Variants in RIMS2 observed in about 807,000 individuals in gnomAD.
The protein encoded by RIMS2 is regulating synaptic membrane exocytosis 2, also known as regulating synaptic membrane exocytosis protein 2.
Under a neutral mutation model 174.4 loss-of-function variants are expected in RIMS2, and 59 were observed. The ratio of observed to expected loss-of-function variants is 0.34; its 90% confidence interval spans 0.27 to 0.42. The LOEUF (loss-of-function observed/expected upper bound fraction) is 0.42. Ranked by LOEUF, RIMS2 falls within the 10% of genes least tolerant of loss-of-function variation. The pLI is 1.00. For missense variants in RIMS2, 1,620 were observed against 1,666.3 expected (o/e 0.97, Z 0.48); for synonymous variants, 606 against 572.5 (o/e 1.06, Z -0.84).
In RIMS2 at chr8:103,591,072, CTCTCTATGT is replaced by C. The variant is rs149924950; in HGVS notation, c.176+90013_176+90021del. Among the ~76,000 whole-genome samples, 36 of 150,466 alleles carry C rather than the reference CTCTCTATGT, an allele frequency of 2.4e-4. 2 individuals carry two copies. The East Asian group carries it at 7.0e-3, about 29-fold the overall frequency. On this transcript the variant is annotated intron_variant, in intron 1 of 23. Coordinates refer to ENST00000504942, the Ensembl canonical transcript of RIMS2. The stretch of plus-strand genomic sequence containing the variant: ...CAAAAAAGGTATAAGAGTTCTGGCC[CTCTCTATGT>C]TCACTAACATTTTGTGTTCATTTTA...
chr8:103,819,257 T>C, intron 3 of RIMS2: 1 of 1,304,812 alleles, frequency 7.7e-7, no homozygotes, highest in Non-Finnish European at 9.8e-7. Flanking sequence ...CTTACTGCTG[T>C]TTAGAATTCT....
At chr8:104,040,177 A>C (rs1316128107) in intron 19 of RIMS2, among the ~76,000 whole-genome samples, 1 of 151,648 alleles carries the variant, frequency 6.6e-6, no homozygotes, top group Non-Finnish European at 1.5e-5. Flanking sequence ...TAATATGTTG[A>C]TATTGCAAGT....
intron 7 of RIMS2, among the ~76,000 whole-genome samples, chr8:103,916,094 A>C (rs1468583852): frequency 6.6e-6 from 1 of 152,052 alleles, no homozygotes; most frequent in Non-Finnish European, 1.5e-5. Flanking sequence ...TATATTGAGA[A>C]ACCTGGAGTA....
chr8:104,061,454 AAAGT>A (rs1398278993), intron 19 of RIMS2, among the ~76,000 whole-genome samples: 1 of 151,996 alleles, frequency 6.6e-6, no homozygotes, highest in African/African-American at 2.4e-5. Flanking sequence ...TCTTCTTATA[AAAGT>A]AACATGCAGT....
intron 19 of RIMS2, among the ~76,000 whole-genome samples, chr8:104,170,980 C>T (rs1249591038): frequency 6.6e-6 from 1 of 152,082 alleles, no homozygotes; most frequent in Admixed American, 6.5e-5. Context: ...AAGATAGGAC[C>T]CCAATCCCTT....
At chr8:104,092,639 T>C (rs2097682631) in intron 19 of RIMS2, among the ~76,000 whole-genome samples, 2 of 151,930 alleles carry the variant, frequency 1.3e-5, no homozygotes, top group African/African-American at 2.4e-5. Flanking sequence ...TTAAATGATC[T>C]GCTCAAATTT....
chr8:103,554,562 G>C (rs1849561715), intron 1 of RIMS2, among the ~76,000 whole-genome samples: 1 of 152,142 alleles, frequency 6.6e-6, no homozygotes, highest in Non-Finnish European at 1.5e-5. Context: ...GTGTAGAAAA[G>C]GGAACACTTA....
intron 4 of RIMS2, among the ~76,000 whole-genome samples, chr8:103,896,785 C>A (rs1031608838): frequency 2.0e-5 from 3 of 151,518 alleles, no homozygotes; most frequent in Middle Eastern, 3.2e-3. Context: ...ACCAGTGCAC[C>A]TACTTTTGGT....
intron 2 of RIMS2, among the ~76,000 whole-genome samples, chr8:103,756,228 G>T (rs554380059): frequency 9.2e-5 from 14 of 152,114 alleles, no homozygotes; most frequent in Non-Finnish European, 1.9e-4. Context: ...GTCCACTCCA[G>T]ACCCTGTTTG....
chr8:103,767,237 G>A (rs1426053780), intron 3 of RIMS2, among the ~76,000 whole-genome samples: 1 of 150,802 alleles, frequency 6.6e-6, no homozygotes, highest in Non-Finnish European at 1.5e-5. Context: ...CATCAGGCTG[G>A]AGTGCAGTGG....
At chr8:104,216,181 G>T (rs762014307) in intron 19 of RIMS2, among the ~76,000 whole-genome samples, 5 of 152,164 alleles carry the variant, frequency 3.3e-5, no homozygotes, top group Non-Finnish European at 7.3e-5. Flanking sequence ...GAGAGTTTTA[G>T]ATTCCTGGTG....
At chr8:104,011,225 G>A (rs139875141) in intron 17 of RIMS2, among the ~76,000 whole-genome samples, 186 of 152,202 alleles carry the variant, frequency 1.2e-3, no homozygotes, top group Non-Finnish European at 2.2e-3. Flanking sequence ...CTTATGTGCT[G>A]TCAAAGTTTA....
chr8:103,817,564 T>G (rs1321155287), intron 3 of RIMS2, among the ~76,000 whole-genome samples: 1 of 152,210 alleles, frequency 6.6e-6, no homozygotes, highest in Admixed American at 6.5e-5. Flanking sequence ...GTGGATCACT[T>G]GCGGTCAGGA....
chr8:104,014,858 A>G (rs1184688125), intron 19 of RIMS2, among the ~76,000 whole-genome samples: 1 of 152,150 alleles, frequency 6.6e-6, no homozygotes, highest in African/African-American at 2.4e-5. Context: ...ATGCATCTTA[A>G]AAAGTAAACA....
At chr8:103,556,611 A>G (rs1434932223) in intron 1 of RIMS2, among the ~76,000 whole-genome samples, 2 of 152,164 alleles carry the variant, frequency 1.3e-5, no homozygotes, top group East Asian at 3.8e-4. Flanking sequence ...AATTATATGT[A>G]TTAGTTAAGG....
At chr8:103,994,836 T>C (rs2094967492) in intron 17 of RIMS2, among the ~76,000 whole-genome samples, 1 of 152,142 alleles carries the variant, frequency 6.6e-6, no homozygotes, top group Admixed American at 6.6e-5. Context: ...AAGGTGATTC[T>C]TGCTTAATGG....
chr8:103,581,196 TAAG>T (rs946253772), intron 1 of RIMS2, among the ~76,000 whole-genome samples: 6 of 151,998 alleles, frequency 3.9e-5, no homozygotes, highest in African/African-American at 1.2e-4. Flanking sequence ...CACAACAAAA[TAAG>T]AAGACTGTAG....
chr8:104,008,222 T>A (rs550978617), intron 17 of RIMS2, among the ~76,000 whole-genome samples: 11 of 152,234 alleles, frequency 7.2e-5, no homozygotes, highest in Non-Finnish European at 1.5e-4. Flanking sequence ...GACAAATCAT[T>A]ATTAAATTCA....
At chr8:103,502,017 A>G (rs1332914192) in intron 1 of RIMS2, among the ~76,000 whole-genome samples, 2 of 152,188 alleles carry the variant, frequency 1.3e-5, no homozygotes, top group East Asian at 3.8e-4. Flanking sequence ...TTTTATGGTT[A>G]TTTGATTTCT....
Sources: gnomAD v4.1 joint callset for allele counts (sites outside exome capture counted in the v4.1 genomes callset) on GRCh38, gnomAD v4.1.1 for gene constraint, MANE v1.5 for transcripts, NCBI Gene and HGNC (gene_info 2026-07-23, HGNC 2026-07-21) for gene names.